The following SOX5 variants were observed in gnomAD, a reference collection of about 807,000 sequenced individuals.
The protein encoded by SOX5 is SRY-box transcription factor 5.
SOX5 carries 9 observed loss-of-function variants against 92.0 expected under a neutral mutation model. That is an observed-to-expected ratio of 0.10 (90% CI 0.06 to 0.17). SOX5 has a LOEUF of 0.17. Ranked by LOEUF, SOX5 falls within the 10% of genes least tolerant of loss-of-function variation. SOX5 has a pLI of 1.00. For synonymous variants in SOX5, 344 were observed against 336.3 expected (o/e 1.02, Z -0.25); for missense variants, 642 against 944.5 (o/e 0.68, Z 4.20).
Position 23,866,099 on chromosome 12 carries a change from G to A in SOX5, c.271-19906C>T, listed in dbSNP as rs375491293. 4.6e-5 allele frequency among the ~76,000 whole-genome samples: 7 copies of A among 152,290 alleles called. No homozygotes were observed. The South Asian group carries it at 6.2e-4, about 14-fold the overall frequency. On this transcript the variant is annotated intron_variant, in intron 2 of 14. Transcript: ENST00000451604. Reference sequence around the variant, plus strand: ...TCCTGATGAAGATCCTGTGAACACCGTTGAAATAACAACAAAGTATTTAGA... The same window carrying A: ...TCCTGATGAAGATCCTGTGAACACCATTGAAATAACAACAAAGTATTTAGA...
chr12:24,339,326 G>C (rs1952306698), intron 2 of SOX5, among the ~76,000 whole-genome samples: 1 of 152,142 alleles, frequency 6.6e-6, no homozygotes, highest in African/African-American at 2.4e-5. Flanking sequence ...CACAGCTGAT[G>C]GGCATGAGTA....
intron 1 of SOX5, among the ~76,000 whole-genome samples, chr12:24,392,239 G>A (rs1319910648): frequency 6.6e-6 from 1 of 152,056 alleles, no homozygotes; most frequent in Non-Finnish European, 1.5e-5. Context: ...TTATCCTCCA[G>A]TCTGTCTATT....
At chr12:24,539,092 AT>A (rs1951893592) in intron 1 of SOX5, among the ~76,000 whole-genome samples, 1 of 152,082 alleles carries the variant, frequency 6.6e-6, no homozygotes, top group Admixed American at 6.6e-5. Flanking sequence ...CCCAAAACTC[AT>A]CCCCCCTTTA....
intron 9 of SOX5, among the ~76,000 whole-genome samples, chr12:23,583,373 A>T (rs1950295549): frequency 6.6e-6 from 1 of 152,104 alleles, no homozygotes; most frequent in Admixed American, 6.6e-5. Flanking sequence ...ATGAAAACCC[A>T]CTCATAGAAA....
chr12:24,129,892 C>A (rs187151612), intron 4 of SOX5, among the ~76,000 whole-genome samples: 1 of 152,212 alleles, frequency 6.6e-6, no homozygotes, highest in African/African-American at 2.4e-5. Context: ...GTTTTATTTT[C>A]TTTTAGAGGA....
chr12:24,260,817 G>A (rs1446019612), intron 3 of SOX5, among the ~76,000 whole-genome samples: 1 of 152,126 alleles, frequency 6.6e-6, no homozygotes, highest in Non-Finnish European at 1.5e-5. Flanking sequence ...GGAAAAAAAT[G>A]AAATTTAGGT....
rs139684366 is a variant in SOX5, at chr12:23,565,207, T to C, written c.1343-1804A>G. Among the ~76,000 whole-genome samples the C allele has an allele frequency of 3.8e-3, 581 of 152,334 alleles. 7 individuals are homozygous for C. Among genetic ancestry groups the C allele is most frequent in the African/African-American group, 0.013 (551 of 41,578 alleles). ...CAGAGTTAATATTTACTGTAAAAGA[T>C]GGTTGTATTTTATTATCCTCAACAT... On this transcript the variant is annotated intron_variant, in intron 10 of 14. Transcript: ENST00000451604.
At chr12:24,095,055 ATCT>A (rs1945155161) in intron 4 of SOX5, among the ~76,000 whole-genome samples, 2 of 151,394 alleles carry the variant, frequency 1.3e-5, no homozygotes, top group South Asian at 2.1e-4. Context: ...TACATTACAA[ATCT>A]TCTTTTACTT....
chr12:23,970,841 A>ATATATATATATATTTT lies in SOX5; in HGVS notation c.-1-74818_-1-74817insAAAATATATATATATA. 5.5e-4 allele frequency among the ~76,000 whole-genome samples: 12 copies of ATATATATATATATTTT among 21,880 alleles called. 2 individuals are homozygous for ATATATATATATATTTT. The highest frequency in any genetic ancestry group is 4.3e-3 in the East Asian group (5 of 1,156). 14.4% of individuals were successfully genotyped at this position (21,880 alleles called of 152,430 possible). A position where few individuals can be genotyped will look rare whatever the true frequency, so the allele number is the denominator to read the frequency against. ...ACATGGGACTTTATATATATATATA[A>ATATATATATATATTTT]TTTTTTTTTTTTTTTAAGAAATGGG... On this transcript the variant is annotated intron_variant, in intron 4 of 4. Coordinates refer to the SOX5 transcript ENST00000446891.
chr12:24,191,999 A>G (rs1454797135), intron 4 of SOX5, among the ~76,000 whole-genome samples: 3 of 152,220 alleles, frequency 2.0e-5, no homozygotes, highest in Non-Finnish European at 4.4e-5. Flanking sequence ...CAATATGATG[A>G]AAGACAAATT....
intron 1 of SOX5, among the ~76,000 whole-genome samples, chr12:23,913,030 C>T (rs566741889): frequency 4.6e-4 from 70 of 152,234 alleles, no homozygotes; most frequent in South Asian, 1.4e-3. Context: ...TTTAAAACTA[C>T]AAAGCACACA....
intron 1 of SOX5, among the ~76,000 whole-genome samples, chr12:24,381,083 T>C (rs1957776377): frequency 6.6e-6 from 1 of 152,164 alleles, no homozygotes; most frequent in Non-Finnish European, 1.5e-5. Flanking sequence ...GGGCATGCAT[T>C]ACTAGTGTGA....
chr12:24,137,935 T>C (rs1950251825), intron 4 of SOX5, among the ~76,000 whole-genome samples: 2 of 152,306 alleles, frequency 1.3e-5, no homozygotes, highest in East Asian at 3.9e-4. Context: ...TCTTTTGAAC[T>C]ACAGTAGCCC....
At chr12:23,964,572 A>G (rs1040340294) in intron 4 of SOX5, among the ~76,000 whole-genome samples, 5 of 152,298 alleles carry the variant, frequency 3.3e-5, no homozygotes, top group African/African-American at 1.2e-4. Flanking sequence ...CCTAGAGAAG[A>G]CTGTCAACCG....
intron 3 of SOX5, among the ~76,000 whole-genome samples, chr12:23,804,516 A>C (rs2095721518): frequency 6.6e-6 from 1 of 152,104 alleles, no homozygotes. Context: ...TAACCCATAA[A>C]GTTTCAACTC....
intron 2 of SOX5, among the ~76,000 whole-genome samples, chr12:24,278,804 A>C (rs1056168796): frequency 2.0e-5 from 3 of 152,084 alleles, no homozygotes; most frequent in Admixed American, 6.6e-5. Flanking sequence ...GGCTGTCTAT[A>C]TATAGTCAGT....
At chr12:24,215,323 G>C (rs1186750485) in intron 3 of SOX5, among the ~76,000 whole-genome samples, 1 of 152,044 alleles carries the variant, frequency 6.6e-6, no homozygotes, top group Non-Finnish European at 1.5e-5. Context: ...GCTATTTGTA[G>C]ATAACGTTAT....
intron 1 of SOX5, among the ~76,000 whole-genome samples, chr12:24,441,505 A>T (rs1190827367): frequency 6.6e-6 from 1 of 152,206 alleles, no homozygotes; most frequent in East Asian, 1.9e-4. Flanking sequence ...ATTGCATATT[A>T]TCGGAGCTTG....
At chr12:23,861,112 G>A (rs969698001) in intron 2 of SOX5, among the ~76,000 whole-genome samples, 5 of 152,050 alleles carry the variant, frequency 3.3e-5, no homozygotes, top group Admixed American at 6.6e-5. Context: ...ACTAAAGCGT[G>A]ACAAAAAGAT....
Sources: gnomAD v4.1 joint callset for allele counts (sites outside exome capture counted in the v4.1 genomes callset) on GRCh38, gnomAD v4.1.1 for gene constraint, MANE v1.5 for transcripts, NCBI Gene and HGNC (gene_info 2026-07-23, HGNC 2026-07-21) for gene names.